NFATC1: variants seen among roughly 807,000 people sequenced by gnomAD.
The protein encoded by NFATC1 is nuclear factor of activated T-cells, cytoplasmic 1.
NFATC1 carries 22 observed loss-of-function variants against 76.0 expected under a neutral mutation model. The ratio of observed to expected loss-of-function variants is 0.29; its 90% confidence interval spans 0.21 to 0.41. NFATC1 has a LOEUF of 0.41. Ranked by LOEUF, NFATC1 falls within the 10% of genes least tolerant of loss-of-function variation. The pLI is 1.00. For synonymous variants in NFATC1, 704 were observed against 613.1 expected, an observed-to-expected ratio of 1.15 and a Z score of -2.19; for missense variants, 1,357 against 1,337.7, an observed-to-expected ratio of 1.01 and a Z score of -0.23.
chr18:79,431,690 C>T (rs1263710101), intron 2 of NFATC1, among the ~76,000 whole-genome samples: 1 of 151,998 alleles, frequency 6.6e-6, no homozygotes, highest in Non-Finnish European at 1.5e-5. Flanking sequence ...TGCGACTGGC[C>T]TTGTTTTTGT....
chr18:79,507,962 T>C (rs2090155712), intron 9 of NFATC1, among the ~76,000 whole-genome samples: 1 of 152,236 alleles, frequency 6.6e-6, no homozygotes, highest in Admixed American at 6.5e-5. Flanking sequence ...GGAGGATCCC[T>C]GTTATGTACT....
rs920646577 is a variant in NFATC1 at position 79,528,007 on chromosome 18, A to C, written c.*430A>C. 1 of 412,948 alleles carries C rather than the reference A, an allele frequency of 2.4e-6. No homozygotes were observed. Among genetic ancestry groups the C allele is most frequent in the East Asian group, 3.4e-5 (1 of 29,098 alleles). 25.6% of individuals were successfully genotyped at this position (412,948 alleles called of 1,614,324 possible). A position where few individuals can be genotyped will look rare whatever the true frequency, so the allele number is the denominator to read the frequency against. On this transcript the variant is annotated 3_prime_UTR_variant, in exon 10 of 10. Transcript: ENST00000427363. ...CTACTGTAGGAGTATTTTTAGGAGCAGAAACTGCAAACACATTTCATTGTG... is the reference window on the plus strand; with the variant it reads ...CTACTGTAGGAGTATTTTTAGGAGCCGAAACTGCAAACACATTTCATTGTG...
chr18:79,486,938 G>GTACCTGGA lies in NFATC1; in HGVS notation c.2782+2_2782+3insACCTGGAT. The GTACCTGGA allele has an allele frequency of 6.3e-7, 1 of 1,588,248 alleles. No individual in the cohort carries two copies. Among genetic ancestry groups the GTACCTGGA allele is most frequent in the Non-Finnish European group, 8.6e-7 (1 of 1,164,488 alleles). ...TTGGACCAGTTGTACCTGGATGACG[G>GTACCTGGA]TGAGTGCCCGCAGCCATGCAGGTGT... On this transcript the variant is annotated splice_donor_variant, in intron 9 of 9. Coordinates refer to ENST00000427363, the MANE Select transcript of NFATC1 (RefSeq NM_001278669.2). LOFTEE classifies it high-confidence loss of function.
At chr18:79,514,803 TGG>T (rs1213665260) in intron 9 of NFATC1, among the ~76,000 whole-genome samples, 1 of 151,834 alleles carries the variant, frequency 6.6e-6, no homozygotes, top group African/African-American at 2.4e-5. Flanking sequence ...CCTAGCATGT[TGG>T]GAGGCTGAGG....
intron 9 of NFATC1, among the ~76,000 whole-genome samples, chr18:79,492,901 C>CTTTTTTTTTTTTTTTTT (rs10605674): frequency 1.1e-5 from 1 of 87,256 alleles, no homozygotes; most frequent in Admixed American, 1.4e-4. Flanking sequence ...ATGAATCCAG[C>CTTTTTTTTTTTTTTTTT]TTTTTTTTTT....
intron 3 of NFATC1, among the ~76,000 whole-genome samples, chr18:79,435,558 C>T (rs1312246818): frequency 2.0e-5 from 3 of 151,962 alleles, no homozygotes; most frequent in Non-Finnish European, 4.4e-5. Context: ...TGGTGCCGCC[C>T]GTCTCTGCGG....
chr18:79,431,917 G>T (rs2086603193), intron 2 of NFATC1, among the ~76,000 whole-genome samples: 1 of 152,190 alleles, frequency 6.6e-6, no homozygotes, highest in South Asian at 2.1e-4. Context: ...TGGCCAGGAT[G>T]GTCTCAATCT....
At chr18:79,458,244 G>A (rs1423227701) in intron 6 of NFATC1, among the ~76,000 whole-genome samples, 1 of 152,230 alleles carries the variant, frequency 6.6e-6, no homozygotes, top group African/African-American at 2.4e-5. Flanking sequence ...TGGATGAGAC[G>A]CCCCAGGGAC....
chr18:79,411,123 C>T lies in NFATC1; in HGVS notation c.848C>T (p.Pro283Leu). Residue 283 changes from proline (P) to leucine (L), a missense_variant, in exon 2 of 10, where the codon CCC becomes CTC. This residue lies in a region of NFATC1 where 691 missense variants were observed against 613.1 expected (regional missense o/e 1.13). Coordinates refer to ENST00000427363, the MANE Select transcript of NFATC1 (RefSeq NM_001278669.2). ...RQPPYSPHHS[P>L]TPSPHGSPRV... The stretch of plus-strand genomic sequence containing the variant: ...CCGCCCTACTCACCCCACCACTCGC[C>T]CACGCCGTCCCCGCACGGCTCCCCG... 1 of 1,612,302 alleles carries T rather than the reference C, an allele frequency of 6.2e-7. No homozygotes were observed. The highest frequency in any genetic ancestry group is 8.5e-7 in the Non-Finnish European group (1 of 1,179,744).
At chr18:79,438,638 CAGTT>C (rs1204380082) in intron 3 of NFATC1, among the ~76,000 whole-genome samples, 11 of 152,212 alleles carry the variant, frequency 7.2e-5, no homozygotes, top group African/African-American at 2.7e-4. Context: ...ATAATATTGT[CAGTT>C]AGGAGAAGGG....
intron 1 of NFATC1, among the ~76,000 whole-genome samples, chr18:79,398,619 G>A (rs983668981): frequency 1.3e-5 from 2 of 152,230 alleles, no homozygotes; most frequent in African/African-American, 4.8e-5. Context: ...GCAGTCCTAG[G>A]ACAGCAGCAG....
chr18:79,511,076 G>A (rs1315590467), intron 9 of NFATC1, among the ~76,000 whole-genome samples: 6 of 152,210 alleles, frequency 3.9e-5, no homozygotes, highest in Admixed American at 1.3e-4. Flanking sequence ...CCGCTGATTC[G>A]ATTTAGAGCT....
chr18:79,470,056 C>T (rs2088713273), intron 8 of NFATC1: 3 of 971,202 alleles, frequency 3.1e-6, no homozygotes, highest in South Asian at 4.8e-5. Flanking sequence ...CGCTGCACTT[C>T]CTGCCTCTGC....
At chr18:79,469,239 T>C in intron 8 of NFATC1, 1 of 719,956 alleles carries the variant, frequency 1.4e-6, no homozygotes, top group Non-Finnish European at 1.7e-6. Context: ...TGACCAGAAA[T>C]TGAATGTTTT....
chr18:79,426,404 CG>C lies in NFATC1; in HGVS notation c.1227-7170del, dbSNP rs1353613905. On this transcript the variant is annotated intron_variant, in intron 2 of 9. Transcript: ENST00000427363. ...ACTGTGTGGCCGGCTCCCCAGGCCA[CG>C]GGGGCCACTGTCCTCCATGCCACGT... Among the ~76,000 whole-genome samples, 4 of 152,310 alleles carry C rather than the reference CG, an allele frequency of 2.6e-5. No individual in the cohort carries two copies. In the East Asian group the frequency reaches 5.8e-4, roughly 22 times the overall value.
intron 8 of NFATC1, among the ~76,000 whole-genome samples, chr18:79,478,391 T>G (rs2089159212): frequency 6.6e-6 from 1 of 152,012 alleles, no homozygotes. Flanking sequence ...GAGGAGGATG[T>G]GGTCCGGGCC....
chr18:79,494,965 G>A (rs1307591058), intron 9 of NFATC1, among the ~76,000 whole-genome samples: 5 of 152,100 alleles, frequency 3.3e-5, no homozygotes, highest in African/African-American at 1.2e-4. Context: ...GGGGGAAGGC[G>A]AGAGCGGGCA....
chr18:79,499,844 TTAAACTC>T (rs2089978015), intron 9 of NFATC1, among the ~76,000 whole-genome samples: 1 of 152,090 alleles, frequency 6.6e-6, no homozygotes, highest in Non-Finnish European at 1.5e-5. Context: ...ATCAGACAAA[TTAAACTC>T]TAAGATAAAA....
chr18:79,397,320 C>T (rs2085041402), intron 1 of NFATC1, among the ~76,000 whole-genome samples: 1 of 152,232 alleles, frequency 6.6e-6, no homozygotes, highest in African/African-American at 2.4e-5. Flanking sequence ...ATTTAAAGAG[C>T]GCCAGCACAC....
Sources: allele counts gnomAD v4.1 joint callset (sites outside exome capture counted in the v4.1 genomes callset), GRCh38; gene constraint gnomAD v4.1.1; regional missense constraint gnomAD v4.1.1; transcripts MANE v1.5; gene names NCBI Gene and HGNC (gene_info 2026-07-23, HGNC 2026-07-21).